The following NARS2 variants were observed in gnomAD, a reference collection of about 807,000 sequenced individuals.
NARS2 encodes asparaginyl-tRNA synthetase 2, mitochondrial.
In NARS2, 60 loss-of-function variants were observed where a neutral mutation model predicts 62.9. That is an observed-to-expected ratio of 0.95 (90% confidence interval 0.77 to 1.18). NARS2 has a LOEUF of 1.18. Among genes scored for constraint, NARS2 ranks in the 50% most tolerant of loss-of-function variants. The probability of loss-of-function intolerance (pLI) is 0.00; values close to 1 mark genes in which losing one functional copy is unlikely to be tolerated. For synonymous variants in NARS2, 196 were observed against 200.0 expected (o/e 0.98, Z 0.17); for missense variants, 619 against 576.4 (o/e 1.07, Z -0.76).
intron 4 of NARS2, among the ~76,000 whole-genome samples, chr11:78,561,270 C>T (rs568295002): frequency 2.6e-5 from 4 of 152,214 alleles, no homozygotes; most frequent in South Asian, 2.1e-4. Flanking sequence ...AATAATACAG[C>T]CGTGCAAACA....
At chr11:78,492,427 T>C (rs1189083316) in intron 7 of NARS2, among the ~76,000 whole-genome samples, 2 of 152,212 alleles carry the variant, frequency 1.3e-5, no homozygotes, top group South Asian at 2.1e-4. Context: ...AATATAGCTC[T>C]GACCTTCATT....
Position 78,515,724 on chromosome 11 carries a change from G to C in NARS2, c.689+13118C>G, listed in dbSNP as rs188440513. 3.5e-4 allele frequency among the ~76,000 whole-genome samples: 53 copies of C among 151,838 alleles called. No individual in the cohort carries two copies. The East Asian group carries it at 7.9e-3, about 23-fold the overall frequency. On this transcript the variant is annotated intron_variant, in intron 6 of 13. Transcript: ENST00000281038. ...ACAAAACAATTTAAGAGGGAGTCTT[G>C]CTATTGTCCAGTCTAGTCTCAAACT...
intron 5 of NARS2, among the ~76,000 whole-genome samples, chr11:78,545,307 A>G (rs1348461929): frequency 2.0e-5 from 3 of 152,156 alleles, no homozygotes; most frequent in Non-Finnish European, 2.9e-5. Context: ...ACTCACATAT[A>G]TAATTTGCAC....
At chr11:78,450,110 T>C (rs1857913953) in intron 11 of NARS2, among the ~76,000 whole-genome samples, 1 of 152,192 alleles carries the variant, frequency 6.6e-6, no homozygotes, top group Non-Finnish European at 1.5e-5. Flanking sequence ...CGGGGAAGCA[T>C]AATTCCCACT....
At chr11:78,487,908 T>C (rs574605223) in intron 7 of NARS2, among the ~76,000 whole-genome samples, 45 of 152,302 alleles carry the variant, frequency 3.0e-4, no homozygotes, top group Non-Finnish European at 5.1e-4. Flanking sequence ...TAAGAACTGA[T>C]TGCCAGCAGA....
chr11:78,530,885 T>C (rs1055552240), intron 5 of NARS2, among the ~76,000 whole-genome samples: 2 of 152,262 alleles, frequency 1.3e-5, no homozygotes, highest in African/African-American at 4.8e-5. Flanking sequence ...TGCTTTCCAA[T>C]GTCATGTTAG....
At chr11:78,544,649 C>T (rs567059637) in intron 5 of NARS2, among the ~76,000 whole-genome samples, 9 of 152,126 alleles carry the variant, frequency 5.9e-5, no homozygotes, top group Non-Finnish European at 1.5e-5. Flanking sequence ...AAAAAATTAG[C>T]CAGGCGCGGT....
At chr11:78,517,637 C>T (rs182443287) in intron 6 of NARS2, among the ~76,000 whole-genome samples, 13 of 152,296 alleles carry the variant, frequency 8.5e-5, no homozygotes, top group African/African-American at 2.9e-4. Flanking sequence ...AGTCTATTTA[C>T]TTCCATCAAA....
rs1283288773 is a variant in NARS2, at chr11:78,513,955, C to A, written c.689+14887G>T. 2.6e-5 allele frequency among the ~76,000 whole-genome samples: 4 copies of A among 152,262 alleles called. No individual in the cohort carries two copies. In the South Asian group the frequency reaches 6.2e-4, roughly 24 times the overall value. On this transcript the variant is annotated intron_variant, in intron 6 of 13. Transcript: ENST00000281038. ...AAAGTATGTGACACACCCCCCTACA[C>A]ACACACTTGCTCCCATTCTCACCAT...
chr11:78,512,441 T>C (rs114809319), intron 6 of NARS2, among the ~76,000 whole-genome samples: 2,274 of 152,332 alleles, frequency 0.015, 57 homozygotes, highest in African/African-American at 0.052. Context: ...ACCATCAACA[T>C]AGCACCTAAT....
intron 7 of NARS2, among the ~76,000 whole-genome samples, chr11:78,480,065 AT>A (rs1356815462): frequency 2.6e-5 from 4 of 151,786 alleles, no homozygotes; most frequent in Non-Finnish European, 5.9e-5. Flanking sequence ...CACCCAGCTA[AT>A]TTTTTTGATA....
intron 5 of NARS2, among the ~76,000 whole-genome samples, chr11:78,551,964 T>C (rs1262083328): frequency 6.6e-6 from 1 of 152,206 alleles, no homozygotes; most frequent in African/African-American, 2.4e-5. Context: ...AACCTTCTCA[T>C]GTATCTCTCC....
intron 7 of NARS2, among the ~76,000 whole-genome samples, chr11:78,480,626 A>C (rs1859311034): frequency 6.6e-6 from 1 of 151,790 alleles, no homozygotes; most frequent in Non-Finnish European, 1.5e-5. Flanking sequence ...AAGTAAAAAA[A>C]AAAAAAAATT....
At chr11:78,468,039 GAA>G (rs779408846) in intron 10 of NARS2, among the ~76,000 whole-genome samples, 1,445 of 86,064 alleles carry the variant, frequency 0.017, 23 homozygotes, top group African/African-American at 0.05. Context: ...AGTAAGTATT[GAA>G]AAAAAAAAAA....
intron 9 of NARS2, 66 bp downstream of exon 9, chr11:78,478,372 A>G (rs1323014716): frequency 1.4e-6 from 1 of 694,870 alleles, no homozygotes; most frequent in African/African-American, 1.8e-5. Context: ...AATTTAAAAA[A>G]TTATAATATA....
At chr11:78,512,364 T>C (rs1590798544) in intron 6 of NARS2, among the ~76,000 whole-genome samples, 2 of 152,214 alleles carry the variant, frequency 1.3e-5, no homozygotes, top group East Asian at 3.8e-4. Context: ...CACACTACCT[T>C]GGCTTTTCTC....
chr11:78,564,100 G>A (rs186321661), intron 4 of NARS2, among the ~76,000 whole-genome samples: 6 of 151,610 alleles, frequency 4.0e-5, no homozygotes, highest in East Asian at 2.0e-4. Flanking sequence ...GGGTTTCACC[G>A]TGTTGCCAGG....
At chr11:78,540,099 T>A (rs1489537333) in intron 5 of NARS2, among the ~76,000 whole-genome samples, 1 of 152,178 alleles carries the variant, frequency 6.6e-6, no homozygotes, top group Non-Finnish European at 1.5e-5. Context: ...CTAGCCTTTC[T>A]CTATTATGCA....
At chr11:78,556,609 T>C (rs560024639) in intron 5 of NARS2, among the ~76,000 whole-genome samples, 2 of 152,242 alleles carry the variant, frequency 1.3e-5, no homozygotes, top group Admixed American at 6.5e-5. Context: ...CTCAGCCTTT[T>C]TCCATCTATA....
Sources: gnomAD v4.1 joint callset for allele counts (sites outside exome capture counted in the v4.1 genomes callset) on GRCh38, gnomAD v4.1.1 for gene constraint, MANE v1.5 for transcripts, NCBI Gene and HGNC (gene_info 2026-07-23, HGNC 2026-07-21) for gene names.